SNX5: variants seen among roughly 807,000 people sequenced by gnomAD.
SNX5 encodes the protein sorting nexin 5, also known as sorting nexin-5.
Under a neutral mutation model 53.9 loss-of-function variants are expected in SNX5, and 31 were observed. That is an observed-to-expected ratio of 0.58 (90% CI 0.43 to 0.78). The LOEUF is 0.78. Among genes scored for constraint, SNX5 ranks in the 30% least tolerant of loss-of-function variants. SNX5 has a pLI of 0.00. For synonymous variants in SNX5, 168 were observed against 171.1 expected, an observed-to-expected ratio of 0.98 and a Z score of 0.14; for missense variants, 471 against 478.8, an observed-to-expected ratio of 0.98 and a Z score of 0.15.
chr20:17,950,124 A>C lies in SNX5; in HGVS notation c.791+8T>G. The C allele has an allele frequency of 6.2e-7, 1 of 1,613,948 alleles. No individual in the cohort carries two copies. Among genetic ancestry groups the C allele is most frequent in the South Asian group, 1.1e-5 (1 of 91,066 alleles). On this transcript the variant is annotated splice_region_variant and intron_variant, in intron 8 of 12. Transcript: ENST00000377759. ...GGTTAGGGGAAATGCTTTTCCAAAA[A>C]AACTTACTTTTTGATGACTGTGGGC...
intron 2 of SNX5, among the ~76,000 whole-genome samples, chr20:17,956,316 A>G (rs749203926): frequency 6.6e-6 from 1 of 152,226 alleles, no homozygotes; most frequent in Non-Finnish European, 1.5e-5. Context: ...GAAGTGTGCT[A>G]TTCAAGCCGC....
intron 1 of SNX5, among the ~76,000 whole-genome samples, chr20:17,957,487 A>T (rs1435620899): frequency 2.6e-5 from 4 of 152,118 alleles, no homozygotes; most frequent in Non-Finnish European, 5.9e-5. Flanking sequence ...ATGTCAGTTG[A>T]GACATTTCTA....
chr20:17,942,628 G>C, intron 12 of SNX5: 3 of 579,274 alleles, frequency 5.2e-6, no homozygotes, highest in East Asian at 5.9e-5. Context: ...ACCAGCCAAA[G>C]AGCCGACGTT....
chr20:17,968,241 G>A (rs2035596287), intron 1 of SNX5, 134 bp downstream of exon 1: 3 of 665,334 alleles, frequency 4.5e-6, no homozygotes, highest in Non-Finnish European at 6.4e-6. Flanking sequence ...GGGCCGCCCG[G>A]GTCTCACGGG....
Position 17,942,415 on chromosome 20 carries a change from G to A in SNX5, c.1165-8C>T, listed in dbSNP as rs769406900. ...CAAAAGGGAGACATTGTTCTGTGGG[G>A]AAAAAAGGCAAGGCAGACCAGTGAA... On this transcript the variant is annotated splice_region_variant and splice_polypyrimidine_tract_variant and intron_variant, in intron 12 of 12. Coordinates refer to ENST00000377759, the MANE Select transcript of SNX5 (RefSeq NM_014426.4). 20 of 1,608,444 alleles carry A rather than the reference G, an allele frequency of 1.2e-5. No homozygotes were observed. In the South Asian group the frequency reaches 1.9e-4, roughly 15 times the overall value.
chr20:17,968,770 C>G lies in SNX5; in HGVS notation c.-345G>C. 1 of 333,866 alleles carries G rather than the reference C, an allele frequency of 3.0e-6. No homozygotes were observed. Among genetic ancestry groups the G allele is most frequent in the Non-Finnish European group, 5.6e-6 (1 of 180,046 alleles). 20.7% of individuals were successfully genotyped at this position (333,866 alleles called of 1,614,324 possible). The stretch of plus-strand genomic sequence containing the variant: ...ACGGACGGGAAGCAACGGACACTCT[C>G]CCAGCAAGACGCGTCTAGAGAAAGA... On this transcript the variant is annotated 5_prime_UTR_variant, in exon 1 of 13. Coordinates refer to ENST00000377759, the MANE Select transcript of SNX5 (RefSeq NM_014426.4).
intron 5 of SNX5, among the ~76,000 whole-genome samples, chr20:17,952,039 C>T (rs948858981): frequency 9.2e-5 from 14 of 152,058 alleles, no homozygotes; most frequent in South Asian, 2.1e-4. Context: ...TTGGCTAACG[C>T]GGTGAAACCC....
chr20:17,948,257 C>G (rs922766432), intron 10 of SNX5, among the ~76,000 whole-genome samples: 2 of 152,176 alleles, frequency 1.3e-5, no homozygotes, highest in Non-Finnish European at 2.9e-5. Context: ...CGTAAGTGAG[C>G]TCTTAATTCC....
intron 1 of SNX5, chr20:17,961,538 T>A: frequency 1.0e-6 from 1 of 984,650 alleles, no homozygotes; most frequent in Non-Finnish European, 1.2e-6. Context: ...GTATACAATG[T>A]AAGACATGGA....
At chr20:17,962,198 CTTT>C (rs71194211) in intron 1 of SNX5, 149 of 133,840 alleles carry the variant, frequency 1.1e-3, no homozygotes, top group Middle Eastern at 3.6e-3. Context: ...ATTAACTCTG[CTTT>C]TTTTTTTTTT....
At chr20:17,943,592 G>C (rs1027146813) in intron 11 of SNX5, 1 of 165,184 alleles carries the variant, frequency 6.1e-6, no homozygotes, top group African/African-American at 2.4e-5. Flanking sequence ...AGACATACCA[G>C]GTTCATGCAA....
intron 10 of SNX5, among the ~76,000 whole-genome samples, chr20:17,948,410 A>C (rs2039515537): frequency 1.3e-5 from 2 of 152,218 alleles, no homozygotes; most frequent in Non-Finnish European, 2.9e-5. Flanking sequence ...TTCTGATGAC[A>C]TTTCAGCCTT....
At chr20:17,957,550 G>C (rs1212938143) in intron 1 of SNX5, among the ~76,000 whole-genome samples, 1 of 152,084 alleles carries the variant, frequency 6.6e-6, no homozygotes, top group African/African-American at 2.4e-5. Flanking sequence ...TGGTATATCC[G>C]AAGTATTCCT....
chr20:17,962,675 C>A, intron 1 of SNX5: 2 of 510,816 alleles, frequency 3.9e-6, no homozygotes, highest in South Asian at 2.8e-5. Flanking sequence ...GCTACTCAGG[C>A]ATCGGCTTAA....
intron 3 of SNX5, 150 bp downstream of exon 3, chr20:17,955,215 A>ACTTT (rs2035332950): frequency 3.3e-6 from 2 of 606,462 alleles, no homozygotes; most frequent in African/African-American, 3.7e-5. Flanking sequence ...TCCTTCACAT[A>ACTTT]CTTTCCACTT....
rs979818375 is a variant in SNX5 at position 17,968,384 on chromosome 20, G to A, written c.42C>T (p.Asp14=). 9.4e-6 allele frequency: 12 copies of A among 1,282,938 alleles called. No individual in the cohort carries two copies. In the African/African-American group the frequency reaches 1.5e-4, roughly 17 times the overall value. The allele number at this position is 1,282,938 out of a possible 1,614,324, so 79.5% of individuals were successfully genotyped here. The part of the protein sequence containing the change: ...VPELLQQQEE[D]RSKLRSVSVD... ...GCTGGGAGGACCTCACCTTGCTGCG[G>A]TCCTCCTCCTGCTGCTGCAGCAACT... is the stretch of plus-strand genomic sequence containing the variant. Residue 14 remains aspartate, a synonymous_variant, in exon 1 of 13, where the codon GAC becomes GAT. Coordinates refer to ENST00000377759, the MANE Select transcript of SNX5 (RefSeq NM_014426.4).
In SNX5 at chr20:17,952,658, G is replaced by A; in HGVS notation, c.442C>T (p.Gln148Ter). 6.2e-7 allele frequency: 1 copy of A among 1,614,110 alleles called. No individual in the cohort carries two copies. Among genetic ancestry groups the A allele is most frequent in the South Asian group, 1.1e-5 (1 of 91,072 alleles). The change falls in exon 5 of 13, where the codon CAG becomes TAG. Residue 148 changes from glutamine to a stop codon, truncating the protein, a stop_gained. Coordinates refer to ENST00000377759, the MANE Select transcript of SNX5 (RefSeq NM_014426.4). LOFTEE classifies it high-confidence loss of function. ...AGAACAGGGTGAGAAGAAAGCCGCT[G>A]AAGAAAGACTTCATGGGAGGACACA... Reference protein sequence around the residue: ...KTVSSHEVFLQRLSSHPVLSK... With the variant: ...KTVSSHEVFL
intron 2 of SNX5, among the ~76,000 whole-genome samples, chr20:17,956,182 C>G (rs1568593791): frequency 6.6e-6 from 1 of 151,898 alleles, no homozygotes; most frequent in Admixed American, 6.6e-5. Context: ...TACTATGGTT[C>G]TAAAAATTGT....
In SNX5 at chr20:17,942,403, T is replaced by C. The variant is rs758844519; in HGVS notation, c.1169A>G (p.Asn390Ser). ...SELEIKHARN[N>S]VSLLQSCIDL... The stretch of plus-strand genomic sequence containing the variant: ...AATACAGCTCTGCAAAAGGGAGACA[T>C]TGTTCTGTGGGGAAAAAAGGCAAGG... Residue 390 changes from asparagine to serine, a missense_variant, in exon 13 of 13, where the codon AAT (asparagine) becomes AGT (serine). By Grantham distance (46) the Asn-to-Ser change is conservative. Transcript: ENST00000377759. The C allele has an allele frequency of 8.7e-6, 14 of 1,611,386 alleles. No individual in the cohort carries two copies. Among genetic ancestry groups the C allele is most frequent in the Middle Eastern group, 1.7e-4 (1 of 6,050 alleles).
Sources: gnomAD v4.1 joint callset for allele counts (sites outside exome capture counted in the v4.1 genomes callset) on GRCh38, gnomAD v4.1.1 for gene constraint, MANE v1.5 for transcripts, NCBI Gene and HGNC (gene_info 2026-07-23, HGNC 2026-07-21) for gene names.